The following SLC6A9 variants were observed in gnomAD, a reference collection of about 807,000 sequenced individuals.
SLC6A9 encodes solute carrier family 6 member 9.
A neutral mutation model predicts 70.9 loss-of-function variants in SLC6A9; 31 were observed. That is an observed-to-expected ratio of 0.44 (90% CI 0.33 to 0.59). SLC6A9 has a LOEUF of 0.59. SLC6A9 is among the 20% of genes least tolerant of loss of function. SLC6A9 has a pLI of 0.04. For missense variants in SLC6A9, 631 were observed against 845.2 expected, an observed-to-expected ratio of 0.75 and a Z score of 3.14; for synonymous variants, 310 against 341.3, an observed-to-expected ratio of 0.91 and a Z score of 1.01.
intron 5 of SLC6A9, among the ~76,000 whole-genome samples, chr1:44,006,247 C>T (rs2086306117): frequency 6.6e-6 from 1 of 152,150 alleles, no homozygotes; most frequent in African/African-American, 2.4e-5. Flanking sequence ...ATGTCTGCCT[C>T]CCTGCCCTCT....
In SLC6A9 at chr1:44,023,331, C is replaced by T. The variant is rs554981674; in HGVS notation, c.30+917G>A. On this transcript the variant is annotated intron_variant, in intron 2 of 13. Transcript: ENST00000372310. ...GGTGCTGACCTGGTCCATCCATCAGCGAGTCTTGCTCCTTCAAGAACCTCA... is the reference window on the plus strand; with the variant it reads ...GGTGCTGACCTGGTCCATCCATCAGTGAGTCTTGCTCCTTCAAGAACCTCA... Among the ~76,000 whole-genome samples the T allele has an allele frequency of 4.6e-5, 7 of 152,204 alleles. No individual in the cohort carries two copies. In the East Asian group the frequency reaches 5.8e-4, roughly 13 times the overall value.
Position 44,010,806 on chromosome 1 carries a change from A to C in SLC6A9, c.107T>G (p.Phe36Cys), listed in dbSNP as rs202075645. The change falls in exon 3 of 14, where the codon TTT becomes TGT. Residue 36 changes from phenylalanine to cysteine, a missense_variant. Phe to Cys is a radical substitution (Grantham distance 205, BLOSUM62 -2). Coordinates refer to ENST00000372310, the MANE Select transcript of SLC6A9 (RefSeq NM_001024845.3). ...KRGNWGNQIE[F>C]VLTSVGYAVG... The stretch of plus-strand genomic sequence containing the variant: ...GGCATAGCCCACGCTCGTCAGTACA[A>C]ACTCGATCTGGTTGCCCCAGTTGCC... The C allele has an allele frequency of 1.2e-6, 2 of 1,614,126 alleles. No individual in the cohort carries two copies. The highest frequency in any genetic ancestry group is 1.7e-6 in the Non-Finnish European group (2 of 1,180,012).
Position 44,002,728 on chromosome 1 carries a change from GCCCCCTGGTCCCTCTCCGGCT to G in SLC6A9, c.724-103_724-83del. On this transcript the variant is annotated intron_variant, in intron 6 of 13. Transcript: ENST00000372310. The surrounding 1 kb of genome is among the most constrained non-coding windows in gnomAD (Gnocchi z 5.5). ...CACCCTGGCTCCCTAATCACCACCA[GCCCCCTGGTCCCTCTCCGGCT>G]CCGGAGTCCCTTCAGCATCCCCTCC... 1 of 1,595,878 alleles carries G rather than the reference GCCCCCTGGTCCCTCTCCGGCT, an allele frequency of 6.3e-7. No individual in the cohort carries two copies. The highest frequency in any genetic ancestry group is 1.1e-5 in the South Asian group (1 of 90,456).
At chr1:44,015,140 T>A (rs1389063074) in intron 2 of SLC6A9, among the ~76,000 whole-genome samples, 1 of 152,072 alleles carries the variant, frequency 6.6e-6, no homozygotes, top group Non-Finnish European at 1.5e-5. Flanking sequence ...CACAAAAAAA[T>A]TAGAAAATAC....
Position 44,001,302 on chromosome 1 carries a change from C to T in SLC6A9, c.1201-4G>A, listed in dbSNP as rs200325334. On this transcript the variant is annotated splice_polypyrimidine_tract_variant and splice_region_variant and intron_variant, in intron 9 of 13. Transcript: ENST00000372310. The stretch of plus-strand genomic sequence containing the variant: ...CCAGCGTCTCCAGGAGGCAGAACTG[C>T]AGGATGTGGCTGTCAGATCGGAGAC... 1 of 1,614,246 alleles carries T rather than the reference C, an allele frequency of 6.2e-7. No individual in the cohort carries two copies. The highest frequency in any genetic ancestry group is 2.2e-5 in the East Asian group (1 of 44,884).
intron 5 of SLC6A9, among the ~76,000 whole-genome samples, chr1:44,004,267 A>T: frequency 6.6e-6 from 1 of 152,158 alleles, no homozygotes; most frequent in Non-Finnish European, 1.5e-5. Context: ...AAGTGCTGGG[A>T]TTACAGGCGT....
chr1:44,022,439 C>T (rs2086900706), intron 2 of SLC6A9, among the ~76,000 whole-genome samples: 2 of 152,238 alleles, frequency 1.3e-5, no homozygotes, highest in South Asian at 2.1e-4. Flanking sequence ...GGATTCACCC[C>T]TAGCAAGTGT....
At chr1:44,008,075 A>T (rs1211774985) in intron 5 of SLC6A9, among the ~76,000 whole-genome samples, 1 of 151,998 alleles carries the variant, frequency 6.6e-6, no homozygotes, top group African/African-American at 2.4e-5. Context: ...TCACCGTGTT[A>T]GCCAGGATGG....
chr1:44,010,802 T>C lies in SLC6A9; in HGVS notation c.111A>G (p.Val37=). The C allele has an allele frequency of 6.2e-7, 1 of 1,614,146 alleles. No homozygotes were observed. The highest frequency in any genetic ancestry group is 1.1e-5 in the South Asian group (1 of 91,084). The change falls in exon 3 of 14, where the codon GTA becomes GTG. Residue 37 remains valine (V), a synonymous_variant. Transcript: ENST00000372310. ...CCACGGCATAGCCCACGCTCGTCAG[T>C]ACAAACTCGATCTGGTTGCCCCAGT... is the stretch of plus-strand genomic sequence containing the variant. ...RGNWGNQIEF[V]LTSVGYAVGL...
chr1:44,000,893 C>A, intron 11 of SLC6A9, 26 bp from the exon 12 acceptor site: 1 of 1,598,504 alleles, frequency 6.3e-7, no homozygotes, highest in Non-Finnish European at 8.5e-7. Context: ...GTCAGCAGAC[C>A]CGCAGGACAG....
Position 44,002,768 on chromosome 1 carries a change from C to T in SLC6A9, c.723+85G>A, listed in dbSNP as rs41270407. On this transcript the variant is annotated intron_variant, in intron 6 of 13. Transcript: ENST00000372310. This position sits in a 1 kb window ranked among gnomAD's most constrained non-coding sequence, Gnocchi z 5.5. ...TCCGGCTCCGGAGTCCCTTCAGCAT[C>T]CCCTCCCTGCAATACACACATAACC... is the stretch of plus-strand genomic sequence containing the variant. The T allele has an allele frequency of 0.026, 41,675 of 1,594,676 alleles. 1,857 individuals carry two copies. Among genetic ancestry groups the T allele is most frequent in the African/African-American group, 0.2 (15,218 of 74,376 alleles).
intron 2 of SLC6A9, chr1:44,017,230 C>A: frequency 6.6e-7 from 1 of 1,523,594 alleles, no homozygotes; most frequent in East Asian, 2.6e-5. Context: ...CATCTCCTCC[C>A]GAAGCTCTGC....
chr1:44,012,436 G>C (rs983426671), intron 2 of SLC6A9, among the ~76,000 whole-genome samples: 1 of 152,254 alleles, frequency 6.6e-6, no homozygotes, highest in South Asian at 2.1e-4. Flanking sequence ...CCTCCACAGA[G>C]GGCAGGGGTG....
chr1:44,002,209 T>C lies in SLC6A9; in HGVS notation c.962+104A>G, dbSNP rs759615931. Reference sequence around the variant, plus strand: ...CAGTATTCCCAGAACCTCAAGATCATGAGGGGAAAGGAGGCCTCGTGGGCC... The same window carrying C: ...CAGTATTCCCAGAACCTCAAGATCACGAGGGGAAAGGAGGCCTCGTGGGCC... On this transcript the variant is annotated intron_variant, in intron 8 of 13. Transcript: ENST00000372310. This position sits in a 1 kb window ranked among gnomAD's most constrained non-coding sequence, Gnocchi z 5.5. 38 of 772,438 alleles carry C rather than the reference T, an allele frequency of 4.9e-5. No homozygotes were observed. Among genetic ancestry groups the C allele is most frequent in the Non-Finnish European group, 5.8e-5 (25 of 432,852 alleles). 47.8% of individuals were successfully genotyped at this position (772,438 alleles called of 1,614,324 possible).
chr1:44,015,854 C>G (rs2086722170), intron 2 of SLC6A9: 1 of 985,298 alleles, frequency 1.0e-6, no homozygotes, highest in Admixed American at 6.1e-5. Flanking sequence ...AGGGGCAGAA[C>G]ATGGGAAAAT....
chr1:44,017,443 TCC>T, intron 2 of SLC6A9: 1 of 990,578 alleles, frequency 1.0e-6, no homozygotes, highest in Non-Finnish European at 1.3e-6. Flanking sequence ...GGTGGCTCAC[TCC>T]CCCCACGGAG....
At chr1:44,029,911 G>C (rs1297873522) in intron 1 of SLC6A9, among the ~76,000 whole-genome samples, 1 of 152,182 alleles carries the variant, frequency 6.6e-6, no homozygotes, top group Non-Finnish European at 1.5e-5. Flanking sequence ...TAACCTTTCA[G>C]GTTTTTCTCT....
rs1465753986 is a variant in SLC6A9 at position 44,013,382 on chromosome 1, C to T, written c.31-2500G>A. Among the ~76,000 whole-genome samples the T allele has an allele frequency of 6.6e-6, 1 of 152,246 alleles. No homozygotes were observed. Among genetic ancestry groups the T allele is most frequent in the East Asian group, 1.9e-4 (1 of 5,198 alleles). On this transcript the variant is annotated intron_variant, in intron 2 of 13. Transcript: ENST00000372310. The surrounding 1 kb of genome is among the most constrained non-coding windows in gnomAD (Gnocchi z 5.3). ...GCTTCCAGCCACGTGCCACAGACAG[C>T]CGCCTGCCTGAGCCCTCAAGAGCCA...
intron 5 of SLC6A9, 24 bp downstream of exon 5, chr1:44,008,329 C>T: frequency 6.2e-7 from 1 of 1,611,558 alleles, no homozygotes; most frequent in Non-Finnish European, 8.5e-7. Flanking sequence ...GTTCCCCCCA[C>T]CCCAGGTCCT....
Sources: allele counts gnomAD v4.1 joint callset (sites outside exome capture counted in the v4.1 genomes callset), GRCh38; gene constraint gnomAD v4.1.1; non-coding constraint Gnocchi (gnomAD v3.1); transcripts MANE v1.5; gene names NCBI Gene and HGNC (gene_info 2026-07-23, HGNC 2026-07-21).